Variants in ADCY7 observed in about 807,000 individuals in gnomAD.
The protein encoded by ADCY7 is adenylate cyclase type 7.
Under a neutral mutation model 120.6 loss-of-function variants are expected in ADCY7, and 72 were observed. The observed-to-expected ratio is 0.60, with a 90% CI of 0.49 to 0.73. The LOEUF is 0.73. ADCY7 is among the 30% of genes least tolerant of loss of function. The pLI, the probability that ADCY7 is intolerant of heterozygous loss-of-function variation, is 0.00. For synonymous variants in ADCY7, 661 were observed against 628.0 expected (o/e 1.05, Z -0.78); for missense variants, 1,227 against 1,486.0 (o/e 0.83, Z 2.87).
chr16:50,305,276 TGGGGCTC>T lies in ADCY7; in HGVS notation c.1596-223_1596-217del. ...GGGTGTAGCCGAAGATGCCTTAGAC[TGGGGCTC>T]GGGTCTGCCCTCTGCCTCTGGCTTG... On this transcript the variant is annotated intron_variant, in intron 12 of 25. Coordinates refer to ENST00000673801, the MANE Select transcript of ADCY7 (RefSeq NM_001114.5). Among the ~76,000 whole-genome samples the T allele has an allele frequency of 3.9e-5, 6 of 152,294 alleles. 1 individual carries two copies. Among genetic ancestry groups the T allele is most frequent in the Admixed American group, 3.9e-4 (6 of 15,304 alleles).
At position 50,288,466 on chromosome 16, in the gene ADCY7, G is replaced by GT. The variant is rs139226446; in HGVS notation, c.171+119dup. 2.8e-3 allele frequency: 3,279 copies of GT among 1,187,030 alleles called. 69 individuals carry two copies. The African/African-American group carries it at 0.044, about 16-fold the overall frequency. The allele number at this position is 1,187,030 out of a possible 1,614,324, so 73.5% of individuals were successfully genotyped here. On this transcript the variant is annotated intron_variant, in intron 2 of 25. Transcript: ENST00000673801. ...CTTCTGTAAAATGCTATGCTTTTTT[G>GT]TTTGTTTTGTTTTGTTTTTGGGTTT...
In ADCY7 at chr16:50,282,088, C is replaced by A. The variant is rs1229834244; in HGVS notation, c.-268-5824C>A. Among the ~76,000 whole-genome samples the A allele has an allele frequency of 3.9e-5, 6 of 152,216 alleles. No individual in the cohort carries two copies. In the East Asian group the frequency reaches 9.6e-4, roughly 24 times the overall value. On this transcript the variant is annotated intron_variant, in intron 1 of 25. Transcript: ENST00000673801. The stretch of plus-strand genomic sequence containing the variant: ...TGCCCCCCTCACTCCAAGGTCCCCA[C>A]TTCCCCTTTTTGAGGCCAACAGGGC...
chr16:50,308,533 C>T, intron 16 of ADCY7, 122 bp downstream of exon 16: 1 of 1,554,732 alleles, frequency 6.4e-7, no homozygotes, highest in Non-Finnish European at 8.7e-7. Context: ...GGGTGCCCAT[C>T]TCTCCTGCCT....
intron 1 of ADCY7, chr16:50,246,280 C>T (rs1189398053): frequency 6.6e-6 from 1 of 151,148 alleles, no homozygotes; most frequent in African/African-American, 2.4e-5. Flanking sequence ...TGGCCGCTGC[C>T]CCTCTCCGCG....
chr16:50,266,832 G>A (rs4785207), intron 1 of ADCY7, among the ~76,000 whole-genome samples, 152 bp downstream of exon 1: 60,502 of 151,958 alleles, frequency 0.4, 12,540 homozygotes, highest in Non-Finnish European at 0.46. Flanking sequence ...AGGAGGCTCC[G>A]TGAGCCTACT....
At chr16:50,314,848 C>A in intron 24 of ADCY7, 166 bp from the exon 25 acceptor site, 1 of 901,372 alleles carries the variant, frequency 1.1e-6, no homozygotes, top group Non-Finnish European at 1.7e-6. Context: ...CCTCCTCATA[C>A]CCCAAGCCCG....
At position 50,314,533 on chromosome 16, in the gene ADCY7, C is replaced by T. The variant is rs540861381; in HGVS notation, c.2971+127C>T. ...TTAGAAATCCCTCTGATCTGACAAG[C>T]TCAGCAGTTGGACAATTATTCTGAT... On this transcript the variant is annotated intron_variant, in intron 24 of 25. Coordinates refer to ENST00000673801, the MANE Select transcript of ADCY7 (RefSeq NM_001114.5). 1.7e-5 allele frequency: 11 copies of T among 663,284 alleles called. No homozygotes were observed. The African/African-American group carries it at 2.0e-4, about 12-fold the overall frequency. 41.1% of individuals were successfully genotyped at this position (663,284 alleles called of 1,614,324 possible). A position where few individuals can be genotyped will look rare whatever the true frequency, so the allele number is the denominator to read the frequency against.
intron 10 of ADCY7, chr16:50,301,710 C>T (rs112714177): frequency 0.014 from 2,278 of 163,664 alleles, 63 homozygotes; most frequent in African/African-American, 0.052. Context: ...GGAGGCAGTT[C>T]CACTGCCCTG....
intron 17 of ADCY7, chr16:50,309,146 C>T: frequency 3.2e-6 from 1 of 316,558 alleles, no homozygotes; most frequent in Non-Finnish European, 5.8e-6. Flanking sequence ...CTGCAGAAAG[C>T]AGCCTGCGGG....
rs770583086 is a variant in ADCY7 at position 50,315,459 on chromosome 16, TTGTC to T, written c.3201_3204del (p.Cys1068ArgfsTer11). The T allele has an allele frequency of 3.1e-6, 5 of 1,614,138 alleles. No individual in the cohort carries two copies. The highest frequency in any genetic ancestry group is 1.3e-5 in the African/African-American group (1 of 75,068). ...GGCAAAGGCGAGCTGAGGACTTACT[TTGTC>T]TGTACGGACACTGCCAAGTTTCAGG... On this transcript the variant is annotated frameshift_variant, in exon 26 of 26. Coordinates refer to ENST00000673801, the MANE Select transcript of ADCY7 (RefSeq NM_001114.5). LOFTEE classifies it high-confidence loss of function.
chr16:50,315,265 A>G, intron 25 of ADCY7, 94 bp from the exon 26 acceptor site: 1 of 1,566,516 alleles, frequency 6.4e-7, no homozygotes, highest in Admixed American at 1.8e-5. Context: ...TCTCCAGGGA[A>G]GGCAGACTGC....
chr16:50,309,682 A>G (rs781203793), intron 18 of ADCY7, 36 bp downstream of exon 18: 60 of 1,571,652 alleles, frequency 3.8e-5, no homozygotes, highest in African/African-American at 5.4e-5. Context: ...GGCCTCATTC[A>G]GAGTGGGGCT....
chr16:50,292,792 C>T lies in ADCY7; in HGVS notation c.654C>T (p.Ile218=), dbSNP rs1397602274. 6.2e-7 allele frequency: 1 copy of T among 1,613,808 alleles called. No individual in the cohort carries two copies. Among genetic ancestry groups the T allele is most frequent in the South Asian group, 1.1e-5 (1 of 91,092 alleles). Reference sequence around the variant, plus strand: ...CCTACACTGTGAAGTGCATCCAGATCCGCCGGAAGCTGCGCATCGAGAAGC... The same window carrying T: ...CCTACACTGTGAAGTGCATCCAGATTCGCCGGAAGCTGCGCATCGAGAAGC... ...LFTYTVKCIQ[I]RRKLRIEKRQ... The change falls in exon 5 of 26, where the codon ATC becomes ATT. Residue 218 remains isoleucine (I), a synonymous_variant. Transcript: ENST00000673801.
chr16:50,247,081 A>C (rs1311000624), intron 1 of ADCY7, among the ~76,000 whole-genome samples: 1 of 152,226 alleles, frequency 6.6e-6, no homozygotes, highest in Non-Finnish European at 1.5e-5. Flanking sequence ...GAATGAATGC[A>C]TGACCAACAG....
intron 3 of ADCY7, 27 bp downstream of exon 3, chr16:50,290,687 A>C (rs777284431): frequency 5.4e-5 from 86 of 1,600,716 alleles, no homozygotes; most frequent in Non-Finnish European, 6.8e-5. Flanking sequence ...ACTCCCTGCC[A>C]GCTGCGCCTT....
intron 1 of ADCY7, among the ~76,000 whole-genome samples, chr16:50,269,841 G>C (rs1254635848): frequency 6.6e-6 from 1 of 152,154 alleles, no homozygotes; most frequent in Non-Finnish European, 1.5e-5. Flanking sequence ...GCCTGTATCA[G>C]AGCAGCCCAT....
At chr16:50,256,813 C>G (rs1271041697) in intron 1 of ADCY7, among the ~76,000 whole-genome samples, 1 of 152,140 alleles carries the variant, frequency 6.6e-6, no homozygotes, top group Non-Finnish European at 1.5e-5. Flanking sequence ...TCCCTTCCTT[C>G]CGCTTGTGGG....
intron 7 of ADCY7, 111 bp from the exon 8 acceptor site, chr16:50,298,792 GC>G: frequency 2.1e-6 from 3 of 1,456,652 alleles, no homozygotes; most frequent in East Asian, 2.3e-5. Context: ...CAGGAGGCAA[GC>G]CCCCAGCCAG....
chr16:50,308,642 G>A (rs1479154473), intron 16 of ADCY7, 25 bp from the exon 17 acceptor site: 1 of 1,598,840 alleles, frequency 6.3e-7, no homozygotes, highest in African/African-American at 1.3e-5. Context: ...TTGGCTCTGG[G>A]TGACTTGACC....
Sources: allele counts gnomAD v4.1 joint callset (sites outside exome capture counted in the v4.1 genomes callset), GRCh38; gene constraint gnomAD v4.1.1; transcripts MANE v1.5; gene names NCBI Gene and HGNC (gene_info 2026-07-23, HGNC 2026-07-21).